Variants in ZNF750 observed in about 807,000 individuals in gnomAD.
ZNF750 encodes protein ZNF750.
A neutral mutation model predicts 31.6 loss-of-function variants in ZNF750; 10 were observed. That is an observed-to-expected ratio of 0.32 (90% CI 0.19 to 0.54). The LOEUF (loss-of-function observed/expected upper bound fraction) is 0.54. ZNF750 is among the 20% of genes least tolerant of loss of function. The probability of loss-of-function intolerance (pLI) is 0.95; values close to 1 mark genes in which losing one functional copy is unlikely to be tolerated. For missense variants in ZNF750, 914 were observed against 934.9 expected, an observed-to-expected ratio of 0.98 and a Z score of 0.29; for synonymous variants, 400 against 404.9, an observed-to-expected ratio of 0.99 and a Z score of 0.15.
chr17:82,834,902 A>T (rs1418914966), intron 1 of ZNF750, among the ~76,000 whole-genome samples: 1 of 152,120 alleles, frequency 6.6e-6, no homozygotes, highest in African/African-American at 2.4e-5. Flanking sequence ...ACATTAAAGT[A>T]AAGTTAAATG....
chr17:82,830,024 A>AT lies in ZNF750; in HGVS notation c.*117_*118insA. 1 of 1,489,958 alleles carries AT rather than the reference A, an allele frequency of 6.7e-7. No homozygotes were observed. The allele number at this position is 1,489,958 out of a possible 1,614,324, so 92.3% of individuals were successfully genotyped here. A position where few individuals can be genotyped will look rare whatever the true frequency, so the allele number is the denominator to read the frequency against. The stretch of plus-strand genomic sequence containing the variant: ...GTTTGTTTGTTTGTTTGTTTTTTTG[A>AT]GAAGCAGCAGCTGCATTTGTAAAAA... On this transcript the variant is annotated 3_prime_UTR_variant, in exon 3 of 3. Coordinates refer to ENST00000269394, the MANE Select transcript of ZNF750 (RefSeq NM_024702.3).
chr17:82,839,360 T>TAA (rs2054264507), intron 1 of ZNF750, among the ~76,000 whole-genome samples: 1 of 151,542 alleles, frequency 6.6e-6, no homozygotes, highest in East Asian at 1.9e-4. Context: ...CACATATATA[T>TAA]AACCCTAAAT....
In ZNF750 at chr17:82,831,424, T is replaced by A; in HGVS notation, c.1031A>T (p.Asp344Val). The A allele has an allele frequency of 6.2e-7, 1 of 1,614,162 alleles. No individual in the cohort carries two copies. The highest frequency in any genetic ancestry group is 8.5e-7 in the Non-Finnish European group (1 of 1,180,024). ...RLPPVTGLTR[D>V]QSSHLLEEAT... ...TTCTTCAAGCAGGTGAGAGCTCTGA[T>A]CTCGGGTGAGGCCAGTGACAGGTGG... Residue 344 changes from aspartate to valine, a missense_variant, in exon 2 of 3, where the codon GAT (aspartate) becomes GTT (valine). Coordinates refer to ENST00000269394, the MANE Select transcript of ZNF750 (RefSeq NM_024702.3). The surrounding 1 kb of genome is among the most constrained non-coding windows in gnomAD (Gnocchi z 4.6).
In ZNF750 at chr17:82,831,577, T is replaced by C. The variant is rs149234218; in HGVS notation, c.878A>G (p.Lys293Arg). Residue 293 changes from lysine to arginine, a missense_variant, in exon 2 of 3, where the codon AAG becomes AGG. Coordinates refer to ENST00000269394, the MANE Select transcript of ZNF750 (RefSeq NM_024702.3). The surrounding 1 kb of genome is among the most constrained non-coding windows in gnomAD (Gnocchi z 4.6). ...HFLPHPGPIP[K>R]HLAPSPATYD... The stretch of plus-strand genomic sequence containing the variant: ...TGTGGCTGGAGATGGAGCCAGGTGC[T>C]TAGGGATCGGCCCCGGGTGAGGCAG... The C allele has an allele frequency of 9.3e-6, 15 of 1,614,102 alleles. No homozygotes were observed. Among genetic ancestry groups the C allele is most frequent in the African/African-American group, 2.7e-5 (2 of 75,012 alleles).
rs1231062765 is a variant in ZNF750 at position 82,833,411 on chromosome 17, GAACAC to G, written c.-182-780_-182-776del. Among the ~76,000 whole-genome samples the G allele has an allele frequency of 6.6e-6, 1 of 152,100 alleles. No homozygotes were observed. Among genetic ancestry groups the G allele is most frequent in the Non-Finnish European group, 1.5e-5 (1 of 68,022 alleles). Reference sequence around the variant, plus strand: ...GCTTGTTTAAAAATGAAGAACATTCGAACACAAGACTCTACCCTACTGCTTCTAAA... The same window carrying G: ...GCTTGTTTAAAAATGAAGAACATTCGAAGACTCTACCCTACTGCTTCTAAA... On this transcript the variant is annotated intron_variant, in intron 1 of 2. Transcript: ENST00000269394. This position sits in a 1 kb window ranked among gnomAD's most constrained non-coding sequence, Gnocchi z 4.7.
Position 82,832,475 on chromosome 17 carries a change from C to T in ZNF750, c.-21G>A, listed in dbSNP as rs368248318. The T allele has an allele frequency of 1.4e-5, 23 of 1,602,020 alleles. 1 individual carries two copies. The highest frequency in any genetic ancestry group is 2.2e-5 in the East Asian group (1 of 44,878). On this transcript the variant is annotated 5_prime_UTR_variant, in exon 2 of 3. Transcript: ENST00000269394. The surrounding 1 kb of genome is among the most constrained non-coding windows in gnomAD (Gnocchi z 4.9). ...CTCATTTTCCTCCTTATGCCTTGGA[C>T]TCTGGCTGTCCAGGTGGCGTGATCA... is the stretch of plus-strand genomic sequence containing the variant.
At chr17:82,838,780 A>G (rs555780659) in intron 1 of ZNF750, 1 of 985,430 alleles carries the variant, frequency 1.0e-6, no homozygotes, top group East Asian at 1.1e-4. Context: ...CAGAAAAACA[A>G]CCAGGGGCTC....
intron 1 of ZNF750, chr17:82,838,777 A>C (rs1205349089): frequency 1.0e-6 from 1 of 985,312 alleles, no homozygotes. Flanking sequence ...ATCCAGAAAA[A>C]CAACCAGGGG....
rs1406758657 is a variant in ZNF750, at chr17:82,832,985, C to T, written c.-182-349G>A. On this transcript the variant is annotated intron_variant, in intron 1 of 2. Coordinates refer to ENST00000269394, the MANE Select transcript of ZNF750 (RefSeq NM_024702.3). The surrounding 1 kb of genome is among the most constrained non-coding windows in gnomAD (Gnocchi z 4.9). ...TCATCCTGTGACCTGGACCTTTCCT[C>T]GAAAGCGCCCTGCCGGGGGCTGAGG... Among the ~76,000 whole-genome samples the T allele has an allele frequency of 6.6e-6, 1 of 152,146 alleles. No homozygotes were observed. Among genetic ancestry groups the T allele is most frequent in the Non-Finnish European group, 1.5e-5 (1 of 68,028 alleles).
rs779044197 is a variant in ZNF750, at chr17:82,830,119, T to A, written c.*23A>T. On this transcript the variant is annotated 3_prime_UTR_variant, in exon 3 of 3. Coordinates refer to ENST00000269394, the MANE Select transcript of ZNF750 (RefSeq NM_024702.3). ...AGGCGTGTGTGTGGCCGTAGCTCTG[T>A]GAACACACGTGTGAACCCGGCGTTA... 1.9e-6 allele frequency: 3 copies of A among 1,612,880 alleles called. No homozygotes were observed. Among genetic ancestry groups the A allele is most frequent in the Non-Finnish European group, 2.5e-6 (3 of 1,179,952 alleles).
At chr17:82,837,535 G>A (rs1462872034) in intron 1 of ZNF750, among the ~76,000 whole-genome samples, 8 of 152,184 alleles carry the variant, frequency 5.3e-5, no homozygotes, top group Admixed American at 3.9e-4. Flanking sequence ...TAACATGCCC[G>A]GAGAGCTGTC....
intron 1 of ZNF750, chr17:82,838,608 G>A (rs950461697): frequency 3.1e-6 from 3 of 980,968 alleles, no homozygotes; most frequent in Non-Finnish European, 2.4e-6. Flanking sequence ...CTGTGATGTC[G>A]CAAGAACGAG....
Position 82,831,210 on chromosome 17 carries a change from CG to C in ZNF750, c.1244del (p.Pro415ArgfsTer64). On this transcript the variant is annotated frameshift_variant, in exon 2 of 3. Transcript: ENST00000269394. LOFTEE classifies it high-confidence loss of function. This position sits in a 1 kb window ranked among gnomAD's most constrained non-coding sequence, Gnocchi z 4.6. ...TCGTCTGCATGAAGTCGGTGGGGCT[CG>C]GCCTCCCTGGGGAGCCCGTGGCTGC... ...GSAATGSPGR[P>X]SPTDFMQTSQ... is the part of the protein sequence containing the mutation. 1 of 1,614,072 alleles carries C rather than the reference CG, an allele frequency of 6.2e-7. No homozygotes were observed. The highest frequency in any genetic ancestry group is 8.5e-7 in the Non-Finnish European group (1 of 1,180,038).
In ZNF750 at chr17:82,833,988, A is replaced by G. The variant is rs190118231; in HGVS notation, c.-182-1352T>C. ...AGACAGAGTTTCTCCCTTGTTGCCC[A>G]GTCTGGAGTGCCATGGCGCAATCTC... On this transcript the variant is annotated intron_variant, in intron 1 of 2. Coordinates refer to ENST00000269394, the MANE Select transcript of ZNF750 (RefSeq NM_024702.3). This position sits in a 1 kb window ranked among gnomAD's most constrained non-coding sequence, Gnocchi z 4.7. 8.1e-4 allele frequency among the ~76,000 whole-genome samples: 123 copies of G among 150,998 alleles called. No individual in the cohort carries two copies. The highest frequency in any genetic ancestry group is 2.4e-3 in the African/African-American group (100 of 41,174).
chr17:82,834,498 A>C (rs1468879206), intron 1 of ZNF750, among the ~76,000 whole-genome samples: 2 of 152,260 alleles, frequency 1.3e-5, no homozygotes, highest in African/African-American at 4.8e-5. Flanking sequence ...TGAATAAAGA[A>C]AATGCGGCAC....
At chr17:82,837,452 T>G (rs1043069431) in intron 1 of ZNF750, among the ~76,000 whole-genome samples, 4 of 152,144 alleles carry the variant, frequency 2.6e-5, no homozygotes, top group Non-Finnish European at 5.9e-5. Context: ...GAGGTGCAGT[T>G]TTTCTCTAGA....
chr17:82,831,768 C>A lies in ZNF750; in HGVS notation c.687G>T (p.Gly229=), dbSNP rs1292125456. The change falls in exon 2 of 3, where the codon GGG becomes GGT. Residue 229 remains glycine, a synonymous_variant. Coordinates refer to ENST00000269394, the MANE Select transcript of ZNF750 (RefSeq NM_024702.3). The surrounding 1 kb of genome is among the most constrained non-coding windows in gnomAD (Gnocchi z 4.6). ...TGGGGTGCATGTAAGGGGAAATGGC[C>A]CCAAGCCCCTTTGTAGATGAGATTT... ...PHKISSTKGL[G]AISPYMHPTI... is the part of the protein sequence containing the mutation. 1 of 1,613,986 alleles carries A rather than the reference C, an allele frequency of 6.2e-7. No individual in the cohort carries two copies. The highest frequency in any genetic ancestry group is 8.5e-7 in the Non-Finnish European group (1 of 1,180,022).
chr17:82,830,255 G>T lies in ZNF750; in HGVS notation c.2059C>A (p.Gln687Lys). 6.2e-7 allele frequency: 1 copy of T among 1,614,210 alleles called. No individual in the cohort carries two copies. Among genetic ancestry groups the T allele is most frequent in the Non-Finnish European group, 8.5e-7 (1 of 1,180,050 alleles). The change falls in exon 3 of 3, where the codon CAA (glutamine) becomes AAA (lysine). Residue 687 changes from glutamine (Q) to lysine (K), a missense_variant. Coordinates refer to ENST00000269394, the MANE Select transcript of ZNF750 (RefSeq NM_024702.3). ...GCATCCCTTAGACTTGTCCTCTTTT[G>T]TCCTTTGGGTCTGAGGTCACACTGG... Reference protein sequence around the residue: ...EAQCDLRPKGQKRTSLRDAGK... With the variant: ...EAQCDLRPKGKKRTSLRDAGK...
chr17:82,832,013 C>T lies in ZNF750; in HGVS notation c.442G>A (p.Gly148Ser), dbSNP rs1250848215. The T allele has an allele frequency of 3.7e-6, 6 of 1,612,360 alleles. No homozygotes were observed. The highest frequency in any genetic ancestry group is 2.2e-5 in the East Asian group (1 of 44,858). The change falls in exon 2 of 3, where the codon GGT (glycine) becomes AGT (serine). Residue 148 changes from glycine (G) to serine (S), a missense_variant. Physicochemically the swap from Gly to Ser is moderately conservative, Grantham distance 56. This residue lies in a region of ZNF750 where 880 missense variants were observed against 868.9 expected (regional missense o/e 1.01). Transcript: ENST00000269394. The surrounding 1 kb of genome is among the most constrained non-coding windows in gnomAD (Gnocchi z 4.9). The part of the protein sequence containing the change: ...CKSPAPEAAL[G>S]AQPALEGAAR... ...GCGCCTTCCAGAGCAGGCTGGGCACCGAGGGCGGCTTCCGGAGCTGGGCTC... is the reference window on the plus strand; with the variant it reads ...GCGCCTTCCAGAGCAGGCTGGGCACTGAGGGCGGCTTCCGGAGCTGGGCTC...
Sources: allele counts gnomAD v4.1 joint callset (sites outside exome capture counted in the v4.1 genomes callset), GRCh38; gene constraint gnomAD v4.1.1; regional missense constraint gnomAD v4.1.1; non-coding constraint Gnocchi (gnomAD v3.1); transcripts MANE v1.5; gene names NCBI Gene and HGNC (gene_info 2026-07-23, HGNC 2026-07-21).